Variants in ZYG11B observed in about 807,000 individuals in gnomAD.
ZYG11B encodes protein zyg-11 homolog B.
In ZYG11B, 36 loss-of-function variants were observed where a neutral mutation model predicts 82.4. The ratio of observed to expected loss-of-function variants is 0.44; its 90% CI spans 0.33 to 0.58. The LOEUF (loss-of-function observed/expected upper bound fraction) is 0.58, where lower values mean the gene tolerates loss of function less well. Among genes scored for constraint, ZYG11B ranks in the 20% least tolerant of loss-of-function variants. The pLI, the probability that ZYG11B is intolerant of heterozygous loss-of-function variation, is 0.02. For missense variants in ZYG11B, 552 were observed against 895.6 expected (o/e 0.62, Z 4.90); for synonymous variants, 303 against 312.8 (o/e 0.97, Z 0.33).
rs1009203683 is a variant in ZYG11B at position 52,810,937 on chromosome 1, G to A, written c.1696-2599G>A. On this transcript the variant is annotated intron_variant, in intron 10 of 13. Transcript: ENST00000294353. The stretch of plus-strand genomic sequence containing the variant: ...GTAATCCCAACTACTCAGAGGCTGA[G>A]GCAGGAGAATCACTTGAATCAAGGA... Among the ~76,000 whole-genome samples the A allele has an allele frequency of 2.0e-5, 3 of 151,782 alleles. No individual in the cohort carries two copies. The East Asian group carries it at 5.8e-4, about 29-fold the overall frequency.
At chr1:52,785,711 T>C (rs2149948583) in intron 5 of ZYG11B, among the ~76,000 whole-genome samples, 1 of 152,248 alleles carries the variant, frequency 6.6e-6, no homozygotes, top group African/African-American at 2.4e-5. Context: ...CACCTTAACT[T>C]CTGAAAATGC....
At chr1:52,780,873 C>T (rs925925412) in intron 4 of ZYG11B, among the ~76,000 whole-genome samples, 4 of 152,142 alleles carry the variant, frequency 2.6e-5, no homozygotes, top group Admixed American at 6.6e-5. Context: ...TGGGCCAGGA[C>T]GCAGTGGCTC....
chr1:52,785,164 T>A, intron 5 of ZYG11B, 111 bp downstream of exon 5: 1 of 1,168,524 alleles, frequency 8.6e-7, no homozygotes, highest in Non-Finnish European at 1.2e-6. Context: ...TTGGAGGCTG[T>A]GGTATGACTG....
At chr1:52,751,267 C>T (rs998811149) in intron 1 of ZYG11B, among the ~76,000 whole-genome samples, 3 of 151,578 alleles carry the variant, frequency 2.0e-5, no homozygotes, top group Admixed American at 6.6e-5. Context: ...ACGCCCACCC[C>T]ATCCCACCCT....
chr1:52,805,313 G>A (rs1645133174), intron 10 of ZYG11B: 1 of 343,154 alleles, frequency 2.9e-6, no homozygotes, highest in Admixed American at 3.7e-5. Flanking sequence ...TGCAAGCAGT[G>A]AGGAGATGGA....
chr1:52,786,196 C>A (rs1644910452), intron 5 of ZYG11B, among the ~76,000 whole-genome samples: 1 of 151,804 alleles, frequency 6.6e-6, no homozygotes. Flanking sequence ...AATTCACTGG[C>A]AAAGTTGATC....
At chr1:52,817,804 TATATATATATA>T (rs1193904459) in intron 13 of ZYG11B, among the ~76,000 whole-genome samples, 2 of 50,630 alleles carry the variant, frequency 4.0e-5, no homozygotes, top group African/African-American at 7.0e-5. Flanking sequence ...TATATATATA[TATATATATATA>T]TTTTTTTTTT....
chr1:52,769,240 T>G (rs1644725730), intron 2 of ZYG11B, among the ~76,000 whole-genome samples: 1 of 152,094 alleles, frequency 6.6e-6, no homozygotes, highest in African/African-American at 2.4e-5. Context: ...TGAAATAGAG[T>G]GCAGGTAATT....
At chr1:52,811,049 A>G (rs72668687) in intron 10 of ZYG11B, among the ~76,000 whole-genome samples, 2,903 of 47,292 alleles carry the variant, frequency 0.061, 151 homozygotes, top group African/African-American at 0.26. Context: ...AAAAAAAAAA[A>G]AAAGAGAAAT....
intron 10 of ZYG11B, among the ~76,000 whole-genome samples, chr1:52,803,097 T>TATATATATATACAC (rs1212524091): frequency 4.5e-5 from 2 of 44,832 alleles, no homozygotes; most frequent in Admixed American, 2.5e-4. Context: ...CATATATATA[T>TATATATATATACAC]ACATATATAT....
intron 6 of ZYG11B, among the ~76,000 whole-genome samples, chr1:52,790,773 CTTTTT>C: frequency 2.6e-5 from 2 of 77,694 alleles, no homozygotes; most frequent in Non-Finnish European, 4.5e-5. Context: ...GTCCAGTGTT[CTTTTT>C]TTTTTTTTTT....
intron 1 of ZYG11B, among the ~76,000 whole-genome samples, chr1:52,740,424 C>T (rs1644414022): frequency 6.6e-6 from 1 of 152,142 alleles, no homozygotes; most frequent in South Asian, 2.1e-4. Flanking sequence ...AATTTGTCAT[C>T]TAGGAGTCTC....
chr1:52,770,649 C>T (rs550019905), intron 2 of ZYG11B, among the ~76,000 whole-genome samples: 2 of 152,288 alleles, frequency 1.3e-5, no homozygotes, highest in South Asian at 4.1e-4. Context: ...GAAAATCATG[C>T]ACTGGCTCTC....
chr1:52,754,801 C>G (rs942008334), intron 1 of ZYG11B, among the ~76,000 whole-genome samples: 1 of 152,112 alleles, frequency 6.6e-6, no homozygotes. Flanking sequence ...CTTTTTACAC[C>G]TATGTTTTCT....
chr1:52,795,806 A>C (rs1470307885), intron 6 of ZYG11B, among the ~76,000 whole-genome samples: 1 of 152,106 alleles, frequency 6.6e-6, no homozygotes, highest in Non-Finnish European at 1.5e-5. Flanking sequence ...TGTCTTCCTC[A>C]CTAGAATGTA....
chr1:52,769,236 A>C (rs1644725688), intron 2 of ZYG11B, among the ~76,000 whole-genome samples: 1 of 152,208 alleles, frequency 6.6e-6, no homozygotes, highest in South Asian at 2.1e-4. Flanking sequence ...CTCCTGAAAT[A>C]GAGTGCAGGT....
intron 5 of ZYG11B, among the ~76,000 whole-genome samples, chr1:52,785,284 T>G (rs2149948353): frequency 6.6e-6 from 1 of 152,234 alleles, no homozygotes; most frequent in East Asian, 1.9e-4. Context: ...CTCATCTTCC[T>G]CCTAGATCTT....
chr1:52,821,047 G>A (rs887063667), intron 13 of ZYG11B, among the ~76,000 whole-genome samples: 8 of 149,706 alleles, frequency 5.3e-5, no homozygotes, highest in African/African-American at 1.7e-4. Flanking sequence ...TCGAGATTGC[G>A]CCACTGTACT....
intron 2 of ZYG11B, among the ~76,000 whole-genome samples, chr1:52,769,054 A>G (rs1231729311): frequency 1.3e-5 from 2 of 152,116 alleles, no homozygotes; most frequent in East Asian, 1.9e-4. Flanking sequence ...GATATACCAT[A>G]TATCTCATTT....
Sources: allele counts gnomAD v4.1 joint callset (sites outside exome capture counted in the v4.1 genomes callset), GRCh38; gene constraint gnomAD v4.1.1; transcripts MANE v1.5; gene names NCBI Gene and HGNC (gene_info 2026-07-23, HGNC 2026-07-21).